Variants in METTL15 observed in about 807,000 individuals in gnomAD.
METTL15 encodes the protein methyltransferase 15, mitochondrial 12S rRNA N4-cytidine.
METTL15 carries 34 observed loss-of-function variants against 38.3 expected under a neutral mutation model. The ratio of observed to expected loss-of-function variants is 0.89; its 90% confidence interval spans 0.68 to 1.18. The LOEUF is 1.18. Among genes scored for constraint, METTL15 ranks in the 50% most tolerant of loss-of-function variants. The probability of loss-of-function intolerance (pLI) is 0.00; values close to 1 mark genes in which losing one functional copy is unlikely to be tolerated. For synonymous variants in METTL15, 162 were observed against 170.9 expected, an observed-to-expected ratio of 0.95 and a Z score of 0.41; for missense variants, 438 against 498.4, an observed-to-expected ratio of 0.88 and a Z score of 1.15.
chr11:28,295,701 C>T (rs1856707254), intron 5 of METTL15, among the ~76,000 whole-genome samples: 1 of 152,056 alleles, frequency 6.6e-6, no homozygotes, highest in East Asian at 1.9e-4. Flanking sequence ...GGGGGATAAG[C>T]CAAAGACAGC....
chr11:28,305,931 A>C (rs954227231), intron 6 of METTL15, among the ~76,000 whole-genome samples: 1 of 152,130 alleles, frequency 6.6e-6, no homozygotes, highest in African/African-American at 2.4e-5. Flanking sequence ...AAGATGAATG[A>C]ACAAATAAAT....
At chr11:28,442,272 G>C (rs1157556890) in intron 6 of METTL15, among the ~76,000 whole-genome samples, 1 of 152,180 alleles carries the variant, frequency 6.6e-6, no homozygotes, top group Non-Finnish European at 1.5e-5. Context: ...ATTTTCCCAG[G>C]AAGGAAGGAG....
At chr11:28,407,065 G>A (rs1364332316) in intron 5 of METTL15, among the ~76,000 whole-genome samples, 2 of 152,088 alleles carry the variant, frequency 1.3e-5, no homozygotes, top group African/African-American at 2.4e-5. Flanking sequence ...AGCTTTTGAT[G>A]TGCTTCTGGA....
In METTL15 at chr11:28,510,809, A is replaced by C. The variant is rs527522062; in HGVS notation, c.*425-15669A>C. On this transcript the variant is annotated intron_variant and NMD_transcript_variant, in intron 6 of 7. Transcript: ENST00000532947. Reference sequence around the variant, plus strand: ...CATACTACTGCCCAAATCATTGCAAATGATGCAATTAAAAGCTGGAGAAGG... The same window carrying C: ...CATACTACTGCCCAAATCATTGCAACTGATGCAATTAAAAGCTGGAGAAGG... Among the ~76,000 whole-genome samples, 10 of 152,318 alleles carry C rather than the reference A, an allele frequency of 6.6e-5. No homozygotes were observed. In the South Asian group the frequency reaches 1.9e-3, roughly 28 times the overall value.
chr11:28,209,039 T>C (rs972443479), intron 3 of METTL15, among the ~76,000 whole-genome samples: 9 of 151,944 alleles, frequency 5.9e-5, no homozygotes, highest in Non-Finnish European at 7.4e-5. Context: ...AGATTTTTTT[T>C]CCCCTGTGGA....
At chr11:28,349,776 A>G (rs896005954) in intron 3 of METTL15, among the ~76,000 whole-genome samples, 2 of 152,224 alleles carry the variant, frequency 1.3e-5, no homozygotes, top group Non-Finnish European at 2.9e-5. Context: ...GTCAATCTCC[A>G]TCTTTTGTGG....
chr11:28,272,934 A>C (rs987662971), intron 4 of METTL15, among the ~76,000 whole-genome samples: 3 of 152,186 alleles, frequency 2.0e-5, no homozygotes, highest in Admixed American at 6.5e-5. Flanking sequence ...TCATTATCAA[A>C]TATTTATTGA....
intron 6 of METTL15, among the ~76,000 whole-genome samples, chr11:28,425,442 T>C (rs1269036244): frequency 2.0e-5 from 3 of 152,222 alleles, no homozygotes; most frequent in Non-Finnish European, 4.4e-5. Context: ...CACATCGTTT[T>C]ATATACTCTA....
intron 4 of METTL15, among the ~76,000 whole-genome samples, chr11:28,248,781 G>C (rs1195612776): frequency 6.6e-6 from 1 of 151,396 alleles, no homozygotes; most frequent in Admixed American, 6.6e-5. Context: ...AAACTTTTGT[G>C]ATAGGTATTT....
intron 5 of METTL15, among the ~76,000 whole-genome samples, chr11:28,387,971 C>A (rs563914240): frequency 3.9e-5 from 6 of 152,100 alleles, no homozygotes; most frequent in South Asian, 2.1e-4. Context: ...TCAATTAATG[C>A]AGAAAAAGTA....
At chr11:28,282,454 G>A (rs1856091953) in intron 4 of METTL15, among the ~76,000 whole-genome samples, 3 of 152,140 alleles carry the variant, frequency 2.0e-5, no homozygotes, top group African/African-American at 4.8e-5. Flanking sequence ...TATAAAAAGA[G>A]TATGATATAT....
intron 4 of METTL15, among the ~76,000 whole-genome samples, chr11:28,262,881 T>A (rs1310999291): frequency 6.6e-6 from 1 of 152,152 alleles, no homozygotes; most frequent in Non-Finnish European, 1.5e-5. Flanking sequence ...TGGTCTCACA[T>A]ACATGAAGCT....
chr11:28,478,382 A>G (rs1368018627), intron 6 of METTL15, among the ~76,000 whole-genome samples: 6 of 152,182 alleles, frequency 3.9e-5, no homozygotes, highest in African/African-American at 9.7e-5. Flanking sequence ...TTTAAATTAG[A>G]CAATTTTCAC....
intron 3 of METTL15, among the ~76,000 whole-genome samples, chr11:28,121,126 C>T (rs543989117): frequency 8.5e-5 from 13 of 152,176 alleles, no homozygotes; most frequent in African/African-American, 2.6e-4. Context: ...TTCATTCTAC[C>T]TAACTATATT....
Position 28,330,874 on chromosome 11 carries a change from T to C in METTL15, c.*33T>C, listed in dbSNP as rs1299689735. The C allele has an allele frequency of 3.4e-6, 5 of 1,465,476 alleles. No individual in the cohort carries two copies. The highest frequency in any genetic ancestry group is 4.6e-6 in the Non-Finnish European group (5 of 1,094,952). The allele number at this position is 1,465,476 out of a possible 1,614,324, so 90.8% of individuals were successfully genotyped here. A position where few individuals can be genotyped will look rare whatever the true frequency, so the allele number is the denominator to read the frequency against. On this transcript the variant is annotated 3_prime_UTR_variant, in exon 7 of 7. Transcript: ENST00000407364. Reference sequence around the variant, plus strand: ...TCATCTTATTCTTCAAATTTTTTTCTCACAATTTCTCTAATCTTTACTCAT... The same window carrying C: ...TCATCTTATTCTTCAAATTTTTTTCCCACAATTTCTCTAATCTTTACTCAT...
chr11:28,231,144 A>G (rs1042637291), intron 4 of METTL15, among the ~76,000 whole-genome samples: 4 of 151,904 alleles, frequency 2.6e-5, no homozygotes, highest in Non-Finnish European at 5.9e-5. Flanking sequence ...ATATTCTGGT[A>G]TTACAGCTGG....
intron 3 of METTL15, among the ~76,000 whole-genome samples, chr11:28,162,374 A>G (rs1009130931): frequency 6.6e-6 from 1 of 152,230 alleles, no homozygotes; most frequent in African/African-American, 2.4e-5. Context: ...AGAGCAGTTT[A>G]GAAAAGGCCA....
intron 4 of METTL15, among the ~76,000 whole-genome samples, chr11:28,273,822 C>T (rs935160621): frequency 6.6e-6 from 1 of 151,848 alleles, no homozygotes; most frequent in South Asian, 2.1e-4. Context: ...ATCTCACAGA[C>T]CAAAAAGGAA....
Position 28,412,779 on chromosome 11 carries a change from T to C in METTL15, c.*359-11520T>C, listed in dbSNP as rs571123412. Among the ~76,000 whole-genome samples, 10 of 152,050 alleles carry C rather than the reference T, an allele frequency of 6.6e-5. No individual in the cohort carries two copies. The South Asian group carries it at 1.7e-3, about 25-fold the overall frequency. ...GATGGGGAGATTTAGTTCAAGAATA[T>C]ACAATAGCTGATGCATAGAATGAAC... is the stretch of plus-strand genomic sequence containing the variant. On this transcript the variant is annotated intron_variant and NMD_transcript_variant, in intron 5 of 7. Coordinates refer to the METTL15 transcript ENST00000532947.
Sources: gnomAD v4.1 joint callset for allele counts (sites outside exome capture counted in the v4.1 genomes callset) on GRCh38, gnomAD v4.1.1 for gene constraint, MANE v1.5 for transcripts, NCBI Gene and HGNC (gene_info 2026-07-23, HGNC 2026-07-21) for gene names.